The following SLC11A2 variants were observed in gnomAD, a reference collection of about 807,000 sequenced individuals.
SLC11A2 encodes the protein natural resistance-associated macrophage protein 2.
In SLC11A2, 38 loss-of-function variants were observed where a neutral mutation model predicts 68.0. The ratio of observed to expected loss-of-function variants is 0.56; its 90% CI spans 0.43 to 0.73. The LOEUF (loss-of-function observed/expected upper bound fraction) is 0.73, where lower values mean the gene tolerates loss of function less well. Ranked by LOEUF, SLC11A2 falls within the 30% of genes least tolerant of loss-of-function variation. The pLI, the probability that SLC11A2 is intolerant of heterozygous loss-of-function variation, is 0.00. For synonymous variants in SLC11A2, 242 were observed against 250.6 expected (o/e 0.97, Z 0.32); for missense variants, 517 against 690.5 (o/e 0.75, Z 2.82).
the SLC11A2 span, among the ~76,000 whole-genome samples, chr12:50,962,254 C>A: frequency 1.3e-5 from 2 of 151,690 alleles, no homozygotes; most frequent in African/African-American, 4.8e-5. Context: ...CACACACACA[C>A]ACAAAATAGC....
Position 51,007,444 on chromosome 12 carries a change from C to T in SLC11A2, c.183+1032G>A, listed in dbSNP as rs537144047. On this transcript the variant is annotated intron_variant, in intron 3 of 15. Transcript: ENST00000262052. Reference sequence around the variant, plus strand: ...CTGCCTCCTAGGTTCAAGTGATTCTCCTGCCTCAGTCTCCCGAGTAGCTGG... The same window carrying T: ...CTGCCTCCTAGGTTCAAGTGATTCTTCTGCCTCAGTCTCCCGAGTAGCTGG... Among the ~76,000 whole-genome samples, 212 of 151,528 alleles carry T rather than the reference C, an allele frequency of 1.4e-3. 1 individual carries two copies. Among genetic ancestry groups the T allele is most frequent in the Non-Finnish European group, 2.0e-3 (136 of 67,832 alleles).
intron 1 of SLC11A2, among the ~76,000 whole-genome samples, chr12:51,023,958 T>C (rs1392637186): frequency 6.6e-6 from 1 of 151,588 alleles, no homozygotes; most frequent in Non-Finnish European, 1.5e-5. Flanking sequence ...GCCACTGCAC[T>C]CCAACCTGGG....
At chr12:51,028,269 T>C, upstream of SLC11A2, 1 of 1,490,394 alleles carries the variant, frequency 6.7e-7, no homozygotes, top group Non-Finnish European at 9.0e-7. Context: ...CTCCTGCCTC[T>C]ATATATGAAG....
At chr12:50,997,472 C>G (rs1941806950) in intron 8 of SLC11A2, among the ~76,000 whole-genome samples, 1 of 151,972 alleles carries the variant, frequency 6.6e-6, no homozygotes, top group Non-Finnish European at 1.5e-5. Context: ...GAGACCAAGG[C>G]AGGCGCATTG....
chr12:50,980,272 C>CT, downstream of SLC11A2: 1 of 175,870 alleles, frequency 5.7e-6, no homozygotes, highest in South Asian at 1.3e-4. Flanking sequence ...GTAATCCCAG[C>CT]ACTTTGGGAG....
At chr12:50,989,003 C>T (rs909949714) in intron 15 of SLC11A2, among the ~76,000 whole-genome samples, 3 of 152,152 alleles carry the variant, frequency 2.0e-5, no homozygotes, top group Admixed American at 6.5e-5. Flanking sequence ...CGTGAGCCAC[C>T]TCGTCCAGCC....
downstream of SLC11A2, chr12:50,981,686 T>C (rs2136123553): frequency 1.1e-5 from 15 of 1,378,148 alleles, no homozygotes; most frequent in African/African-American, 1.7e-4. Context: ...CAAAAAGGGC[T>C]TAGAAAAACA....
chr12:51,021,115 T>G (rs1222564216), intron 1 of SLC11A2, among the ~76,000 whole-genome samples: 1 of 152,114 alleles, frequency 6.6e-6, no homozygotes, highest in Non-Finnish European at 1.5e-5. Context: ...GGATTATAAT[T>G]GATATAACTA....
At chr12:50,953,938 C>T in the SLC11A2 span, 10 of 1,021,362 alleles carry the variant, frequency 9.8e-6, no homozygotes, top group Admixed American at 1.9e-4. Context: ...AGAGGAAAAA[C>T]AAATTATTTT....
At chr12:51,022,404 T>C in intron 1 of SLC11A2, among the ~76,000 whole-genome samples, 1 of 129,516 alleles carries the variant, frequency 7.7e-6, no homozygotes, top group Admixed American at 8.8e-5. Context: ...AGAAACCCAG[T>C]CTCCATTAAA....
the SLC11A2 span, among the ~76,000 whole-genome samples, chr12:50,973,916 A>C: frequency 1.3e-5 from 2 of 152,212 alleles, no homozygotes; most frequent in Non-Finnish European, 2.9e-5. Context: ...GAATGAAATG[A>C]AGTGAGAAGA....
chr12:50,956,297 C>G, the SLC11A2 span, among the ~76,000 whole-genome samples: 1 of 152,058 alleles, frequency 6.6e-6, no homozygotes, highest in African/African-American at 2.4e-5. Flanking sequence ...GAGGCTGAGG[C>G]GGGAGAATCA....
chr12:50,955,024 G>T, the SLC11A2 span, among the ~76,000 whole-genome samples: 1 of 152,238 alleles, frequency 6.6e-6, no homozygotes, highest in East Asian at 1.9e-4. Flanking sequence ...GGGCACAGTG[G>T]CTCACTCCTG....
chr12:51,022,096 C>T (rs1253551778), intron 1 of SLC11A2, among the ~76,000 whole-genome samples: 1 of 152,140 alleles, frequency 6.6e-6, no homozygotes, highest in Non-Finnish European at 1.5e-5. Flanking sequence ...ACTATAGCTT[C>T]GTCTTTGTTC....
At chr12:50,954,043 A>T in the SLC11A2 span, 1 of 1,613,540 alleles carries the variant, frequency 6.2e-7, no homozygotes, top group Non-Finnish European at 8.5e-7. Context: ...ATGAAGGCCA[A>T]TTATCCCGAC....
At chr12:51,023,396 A>C (rs1226225726) in intron 1 of SLC11A2, among the ~76,000 whole-genome samples, 1 of 152,228 alleles carries the variant, frequency 6.6e-6, no homozygotes. Context: ...GCAGTGAACC[A>C]AGACTGAACC....
chr12:50,970,511 T>G, the SLC11A2 span: 3 of 1,512,900 alleles, frequency 2.0e-6, no homozygotes, highest in South Asian at 3.6e-5. Flanking sequence ...AAATGAAGCT[T>G]ACATGCTGGA....
At chr12:50,958,516 C>T in the SLC11A2 span, among the ~76,000 whole-genome samples, 41 of 149,710 alleles carry the variant, frequency 2.7e-4, no homozygotes, top group African/African-American at 9.8e-4. Context: ...CTCCTGACCT[C>T]GTGATCCGCC....
At chr12:51,020,864 G>C (rs903945889) in intron 1 of SLC11A2, among the ~76,000 whole-genome samples, 1 of 152,160 alleles carries the variant, frequency 6.6e-6, no homozygotes. Context: ...AGCACTTTGG[G>C]AGGCTGAGGC....
Sources: gnomAD v4.1 joint callset for allele counts (sites outside exome capture counted in the v4.1 genomes callset) on GRCh38, gnomAD v4.1.1 for gene constraint, MANE v1.5 for transcripts, NCBI Gene and HGNC (gene_info 2026-07-23, HGNC 2026-07-21) for gene names.